Variants in ST3GAL5 observed in about 807,000 individuals in gnomAD.
ST3GAL5 encodes the protein ST3 beta-galactoside alpha-2,3-sialyltransferase 5.
ST3GAL5 carries 25 observed loss-of-function variants against 46.1 expected under a neutral mutation model. That is an observed-to-expected ratio of 0.54 (90% CI 0.40 to 0.76). The LOEUF (loss-of-function observed/expected upper bound fraction) is 0.76. Among genes scored for constraint, ST3GAL5 ranks in the 30% least tolerant of loss-of-function variants. The pLI, the probability that ST3GAL5 is intolerant of heterozygous loss-of-function variation, is 0.00. For missense variants in ST3GAL5, 431 were observed against 521.2 expected, an observed-to-expected ratio of 0.83 and a Z score of 1.69; for synonymous variants, 182 against 192.7, an observed-to-expected ratio of 0.94 and a Z score of 0.46.
chr2:85,863,400 C>T lies in ST3GAL5; in HGVS notation c.168G>A (p.Lys56=). 6.2e-7 allele frequency: 1 copy of T among 1,614,230 alleles called. No individual in the cohort carries two copies. The highest frequency in any genetic ancestry group is 8.5e-7 in the Non-Finnish European group (1 of 1,180,038). ...SLQWYTRAQS[K]MRRPSLLLKD... is the part of the protein sequence containing the mutation. ...TTAATAACAAGCTGGGCCTTCTCAT[C>T]TTGCTTTGAGCTCGGGTGTACCATT... Residue 56 remains lysine, a synonymous_variant, in exon 2 of 7, where the codon AAG becomes AAA. Coordinates refer to ENST00000638572, the MANE Select transcript of ST3GAL5 (RefSeq NM_003896.4).
At chr2:85,847,405 A>G (rs1320218525) in intron 4 of ST3GAL5, 1 of 1,000,456 alleles carries the variant, frequency 1.0e-6, no homozygotes, top group Non-Finnish European at 1.2e-6. Flanking sequence ...ATGCTCCTCC[A>G]ACTTAGGGTC....
rs774128741 is a variant in ST3GAL5, at chr2:85,863,495, G to A, written c.83-10C>T. ...TACTCACTTGGCATTGCTGTGAAGA[G>A]AGGCGAAGAGGGCAGTGGGGAAAAA... On this transcript the variant is annotated splice_polypyrimidine_tract_variant and intron_variant, in intron 1 of 6. Transcript: ENST00000638572. 3 of 1,614,154 alleles carry A rather than the reference G, an allele frequency of 1.9e-6. No homozygotes were observed. Among genetic ancestry groups the A allele is most frequent in the Non-Finnish European group, 1.7e-6 (2 of 1,180,020 alleles).
chr2:85,841,626 T>C (rs1682116923), intron 6 of ST3GAL5, among the ~76,000 whole-genome samples: 1 of 152,210 alleles, frequency 6.6e-6, no homozygotes, highest in Admixed American at 6.5e-5. Context: ...TGGGCCACCA[T>C]GTCCAGCCTC....
At chr2:85,866,448 A>G (rs531707609) in intron 1 of ST3GAL5, among the ~76,000 whole-genome samples, 48 of 152,336 alleles carry the variant, frequency 3.2e-4, no homozygotes, top group Admixed American at 5.9e-4. Context: ...AAAAATACAT[A>G]TCTGCCTACT....
Position 85,846,527 on chromosome 2 carries a change from A to G in ST3GAL5, c.699T>C (p.His233=), listed in dbSNP as rs1573589944. Residue 233 remains histidine, a synonymous_variant, in exon 5 of 7, where the codon CAT becomes CAC. Coordinates refer to ENST00000638572, the MANE Select transcript of ST3GAL5 (RefSeq NM_003896.4). ...NSAPVEGYSE[H]VGNKTTIRMT... ...TCCTTATAGTAGTTTTATTTCCAACATGTTCTGAATATCCCTCAACTGGTG... is the reference window on the plus strand; with the variant it reads ...TCCTTATAGTAGTTTTATTTCCAACGTGTTCTGAATATCCCTCAACTGGTG... The G allele has an allele frequency of 6.2e-7, 1 of 1,614,192 alleles. No homozygotes were observed. Among genetic ancestry groups the G allele is most frequent in the Non-Finnish European group, 8.5e-7 (1 of 1,180,032 alleles).
intron 1 of ST3GAL5, among the ~76,000 whole-genome samples, chr2:85,885,232 G>A (rs1687613549): frequency 6.6e-6 from 1 of 152,212 alleles, no homozygotes; most frequent in South Asian, 2.1e-4. Flanking sequence ...AGCTCAGAGA[G>A]GAGTGGTTTG....
Position 85,840,352 on chromosome 2 carries a change from G to A in ST3GAL5, c.1049C>T (p.Thr350Ile). The A allele has an allele frequency of 6.2e-7, 1 of 1,614,152 alleles. No homozygotes were observed. Among genetic ancestry groups the A allele is most frequent in the Non-Finnish European group, 8.5e-7 (1 of 1,180,004 alleles). The change falls in exon 7 of 7, where the codon ACA becomes ATA. Residue 350 changes from threonine to isoleucine, a missense_variant. Physicochemically the swap from Thr to Ile is moderately conservative, Grantham distance 89 (BLOSUM62 -1). Transcript: ENST00000638572. ...TIGVIAVVLA[T>I]HLCDEVSLAG... is the part of the protein sequence containing the mutation. ...CAAACTGACTTCATCGCACAGATGT[G>A]TGGCTAAGACAACGGCAATGACACC... is the stretch of plus-strand genomic sequence containing the variant.
At chr2:85,852,578 G>A (rs1683638475) in intron 3 of ST3GAL5, among the ~76,000 whole-genome samples, 1 of 152,186 alleles carries the variant, frequency 6.6e-6, no homozygotes, top group Non-Finnish European at 1.5e-5. Context: ...GTGGGGTTGA[G>A]GGTGGGGACT....
intron 1 of ST3GAL5, among the ~76,000 whole-genome samples, chr2:85,866,919 A>G (rs1685348551): frequency 6.6e-6 from 1 of 152,226 alleles, no homozygotes; most frequent in Non-Finnish European, 1.5e-5. Context: ...AACTTCCAAG[A>G]AAAGCATTTT....
chr2:85,844,270 G>C lies in ST3GAL5; in HGVS notation c.1008+126C>G, dbSNP rs2280316. Reference sequence around the variant, plus strand: ...GTGCAGAGTGGTAAACACACATGGAGCATCTAATCACAGGCTGGGTTTCTC... The same window carrying C: ...GTGCAGAGTGGTAAACACACATGGACCATCTAATCACAGGCTGGGTTTCTC... On this transcript the variant is annotated intron_variant, in intron 6 of 6. Transcript: ENST00000638572. The C allele has an allele frequency of 0.32, 387,798 of 1,194,146 alleles. 65,740 individuals carry two copies. Among genetic ancestry groups the C allele is most frequent in the East Asian group, 0.54 (21,651 of 40,220 alleles). 74.0% of individuals were successfully genotyped at this position (1,194,146 alleles called of 1,614,324 possible).
Position 85,860,047 on chromosome 2 carries a change from G to T in ST3GAL5, c.318+1134C>A, listed in dbSNP as rs117887914. On this transcript the variant is annotated intron_variant, in intron 3 of 6. Coordinates refer to ENST00000638572, the MANE Select transcript of ST3GAL5 (RefSeq NM_003896.4). The stretch of plus-strand genomic sequence containing the variant: ...AAGCCGGGCTTCACCACGTACTGCC[G>T]CTGGTGACCCTGGGCAGGTTACTAA... 5.1e-4 allele frequency among the ~76,000 whole-genome samples: 77 copies of T among 152,254 alleles called. No individual in the cohort carries two copies. In the East Asian group the frequency reaches 8.7e-3, roughly 17 times the overall value.
At position 85,853,493 on chromosome 2, in the gene ST3GAL5, C is replaced by G. The variant is rs190512356; in HGVS notation, c.319-5289G>C. 1.6e-3 allele frequency: 298 copies of G among 180,666 alleles called. 1 individual carries two copies. Among genetic ancestry groups the G allele is most frequent in the Non-Finnish European group, 2.6e-3 (223 of 84,190 alleles). 11.2% of individuals were successfully genotyped at this position (180,666 alleles called of 1,614,324 possible). A position where few individuals can be genotyped will look rare whatever the true frequency, so the allele number is the denominator to read the frequency against. On this transcript the variant is annotated intron_variant, in intron 3 of 6. Coordinates refer to ENST00000638572, the MANE Select transcript of ST3GAL5 (RefSeq NM_003896.4). Reference sequence around the variant, plus strand: ...CTTATGGCTCTGAGACCTTCTTCTGCCCATATACATCCACGATAATTCAAA... The same window carrying G: ...CTTATGGCTCTGAGACCTTCTTCTGGCCATATACATCCACGATAATTCAAA...
chr2:85,864,091 AG>A (rs1480620296), intron 1 of ST3GAL5, among the ~76,000 whole-genome samples: 2 of 152,196 alleles, frequency 1.3e-5, no homozygotes, highest in African/African-American at 4.8e-5. Context: ...GGAGGTAGAT[AG>A]GTAGATATGG....
intron 1 of ST3GAL5, among the ~76,000 whole-genome samples, chr2:85,873,057 G>A (rs982932458): frequency 8.5e-5 from 13 of 152,184 alleles, no homozygotes; most frequent in African/African-American, 3.1e-4. Flanking sequence ...CCCCAAGGTG[G>A]GGCTGGGGGG....
At chr2:85,863,908 C>T (rs6547635) in intron 1 of ST3GAL5, among the ~76,000 whole-genome samples, 17,055 of 151,990 alleles carry the variant, frequency 0.11, 1,032 homozygotes, top group East Asian at 0.23. Context: ...GGGTTTCACC[C>T]TGTTAGTCAG....
Position 85,888,868 on chromosome 2 carries a change from G to T in ST3GAL5, c.38C>A (p.Pro13His). ...TKAAGCAERR[P>H]LQPRTEAAAA... Reference sequence around the variant, plus strand: ...CGCTGCCTCGGTCCGCGGCTGCAGGGGACGCCGCTCCGCGCAGCCCGCCGC... The same window carrying T: ...CGCTGCCTCGGTCCGCGGCTGCAGGTGACGCCGCTCCGCGCAGCCCGCCGC... The change falls in exon 1 of 7, where the codon CCC becomes CAC. Residue 13 changes from proline (P) to histidine (H), a missense_variant. Coordinates refer to ENST00000638572, the MANE Select transcript of ST3GAL5 (RefSeq NM_003896.4). 1 of 1,365,988 alleles carries T rather than the reference G, an allele frequency of 7.3e-7. No individual in the cohort carries two copies. Among genetic ancestry groups the T allele is most frequent in the Non-Finnish European group, 9.5e-7 (1 of 1,052,214 alleles). 84.6% of individuals were successfully genotyped at this position (1,365,988 alleles called of 1,614,324 possible).
chr2:85,872,704 T>G (rs1460981583), intron 1 of ST3GAL5, among the ~76,000 whole-genome samples: 1 of 152,124 alleles, frequency 6.6e-6, no homozygotes, highest in Non-Finnish European at 1.5e-5. Context: ...ACAAATGAAC[T>G]GCCCTCTCCC....
At chr2:85,863,525 G>C in intron 1 of ST3GAL5, 40 bp from the exon 2 acceptor site, 1 of 1,610,398 alleles carries the variant, frequency 6.2e-7, no homozygotes, top group Non-Finnish European at 8.5e-7. Flanking sequence ...GAAAAAGAGA[G>C]GAGAGAGTTA....
intron 4 of ST3GAL5, chr2:85,847,352 C>T (rs1015827435): frequency 9.1e-6 from 9 of 994,390 alleles, no homozygotes; most frequent in Non-Finnish European, 1.1e-5. Flanking sequence ...TTCCAAATCT[C>T]ACTTCCTCTG....
Sources: allele counts gnomAD v4.1 joint callset (sites outside exome capture counted in the v4.1 genomes callset), GRCh38; gene constraint gnomAD v4.1.1; transcripts MANE v1.5; gene names NCBI Gene and HGNC (gene_info 2026-07-23, HGNC 2026-07-21).